The following BCAS3 variants were observed in gnomAD, a reference collection of about 807,000 sequenced individuals.
BCAS3 encodes BCAS3 microtubule associated cell migration factor.
A neutral mutation model predicts 116.1 loss-of-function variants in BCAS3; 53 were observed. The observed-to-expected ratio is 0.46, with a 90% CI of 0.37 to 0.57. The LOEUF is 0.57. Among genes scored for constraint, BCAS3 ranks in the 20% least tolerant of loss-of-function variants. The probability of loss-of-function intolerance (pLI) is 0.00; values close to 1 mark genes in which losing one functional copy is unlikely to be tolerated. For missense variants in BCAS3, 917 were observed against 1,165.4 expected, an observed-to-expected ratio of 0.79 and a Z score of 3.10; for synonymous variants, 391 against 408.2, an observed-to-expected ratio of 0.96 and a Z score of 0.51.
intron 18 of BCAS3, among the ~76,000 whole-genome samples, chr17:61,038,334 G>GT (rs1466818218): frequency 1.4e-5 from 2 of 148,028 alleles, no homozygotes; most frequent in Non-Finnish European, 3.0e-5. Context: ...CTGGAGTGCA[G>GT]TGGCGCGATC....
intron 22 of BCAS3, among the ~76,000 whole-genome samples, chr17:61,271,545 T>C (rs2050269846): frequency 6.7e-6 from 1 of 150,256 alleles, no homozygotes; most frequent in East Asian, 2.0e-4. Flanking sequence ...TGCCTCAGCC[T>C]CCTGGGTAGC....
At position 61,214,668 on chromosome 17, in the gene BCAS3, G is replaced by A. The variant is rs2081673250; in HGVS notation, c.2425+130104G>A. Among the ~76,000 whole-genome samples, 1 of 151,932 alleles carries A rather than the reference G, an allele frequency of 6.6e-6. No individual in the cohort carries two copies. The highest frequency in any genetic ancestry group is 2.1e-4 in the South Asian group (1 of 4,812). On this transcript the variant is annotated intron_variant, in intron 22 of 23. Transcript: ENST00000407086. This position sits in a 1 kb window ranked among gnomAD's most constrained non-coding sequence, Gnocchi z 4.4. ...ATCGCGCCACTGCACTCCAGCCTGG[G>A]CGACAGAGCAAGACTCCATCTCAAA...
chr17:60,921,898 G>T (rs1387339188), intron 12 of BCAS3, among the ~76,000 whole-genome samples: 1 of 151,742 alleles, frequency 6.6e-6, no homozygotes, highest in East Asian at 1.9e-4. Flanking sequence ...AAGTATTACT[G>T]GAGTAAAAGA....
chr17:61,064,963 TATTAG>T (rs1261898254), intron 19 of BCAS3, among the ~76,000 whole-genome samples: 10 of 152,216 alleles, frequency 6.6e-5, no homozygotes, highest in African/African-American at 2.2e-4. Context: ...CTGCTCTGTG[TATTAG>T]ATTTAGTGAA....
intron 19 of BCAS3, among the ~76,000 whole-genome samples, chr17:61,058,958 T>A (rs1243036564): frequency 1.3e-5 from 2 of 151,710 alleles, no homozygotes; most frequent in Non-Finnish European, 2.9e-5. Flanking sequence ...AGGTGAAGAA[T>A]GTGATCTTTA....
intron 6 of BCAS3, among the ~76,000 whole-genome samples, chr17:60,772,874 GA>G (rs939845540): frequency 9.3e-5 from 14 of 150,148 alleles, no homozygotes; most frequent in South Asian, 4.2e-4. Context: ...CTCAGTCTCA[GA>G]AAAAAAAAGG....
At chr17:61,275,488 G>C (rs150059893) in intron 22 of BCAS3, among the ~76,000 whole-genome samples, 1 of 151,972 alleles carries the variant, frequency 6.6e-6, no homozygotes, top group African/African-American at 2.4e-5. Context: ...GCGGCAGAGA[G>C]AAAGGGCAAA....
intron 12 of BCAS3, among the ~76,000 whole-genome samples, chr17:60,918,317 A>C (rs1037871529): frequency 6.6e-6 from 1 of 152,208 alleles, no homozygotes; most frequent in African/African-American, 2.4e-5. Flanking sequence ...AAATTGATAC[A>C]TAATATTTGT....
At chr17:60,823,774 A>G (rs1049857595) in intron 7 of BCAS3, among the ~76,000 whole-genome samples, 2 of 152,220 alleles carry the variant, frequency 1.3e-5, no homozygotes, top group African/African-American at 4.8e-5. Context: ...CCAATGGTGC[A>G]TTAATATTGT....
intron 22 of BCAS3, among the ~76,000 whole-genome samples, chr17:61,170,040 A>C (rs1196786093): frequency 1.3e-5 from 2 of 151,824 alleles, no homozygotes; most frequent in Non-Finnish European, 2.9e-5. Flanking sequence ...TTTTGAGTAG[A>C]GACGGGGTTT....
At chr17:61,192,888 G>A (rs2080232611) in intron 22 of BCAS3, among the ~76,000 whole-genome samples, 1 of 152,194 alleles carries the variant, frequency 6.6e-6, no homozygotes, top group South Asian at 2.1e-4. Flanking sequence ...GAATGATGTG[G>A]AGTTGTTCGC....
At chr17:60,969,363 AAG>A (rs1013710133) in intron 14 of BCAS3, among the ~76,000 whole-genome samples, 8 of 152,194 alleles carry the variant, frequency 5.3e-5, no homozygotes, top group African/African-American at 1.9e-4. Context: ...TCAGCAGAGA[AAG>A]AGAAAATATA....
In BCAS3 at chr17:61,261,955, T is replaced by C. The variant is rs2049242204; in HGVS notation, c.2426-106372T>C. On this transcript the variant is annotated intron_variant, in intron 22 of 23. Coordinates refer to ENST00000407086, the MANE Select transcript of BCAS3 (RefSeq NM_017679.5). The surrounding 1 kb of genome is among the most constrained non-coding windows in gnomAD (Gnocchi z 4.4). ...CTAGTGAAGAGAAAGCTAAGAGAGA[T>C]GAGACAAGGATGTCCACGAATACCG... 6.6e-6 allele frequency among the ~76,000 whole-genome samples: 1 copy of C among 152,196 alleles called. No individual in the cohort carries two copies. Among genetic ancestry groups the C allele is most frequent in the Non-Finnish European group, 1.5e-5 (1 of 68,030 alleles).
chr17:61,072,780 C>G (rs1457197660), intron 19 of BCAS3, among the ~76,000 whole-genome samples: 1 of 152,042 alleles, frequency 6.6e-6, no homozygotes, highest in African/African-American at 2.4e-5. Flanking sequence ...ATGGCTTATC[C>G]CACCCAACCA....
At chr17:60,987,057 C>T (rs921881978) in intron 14 of BCAS3, 3 of 152,012 alleles carry the variant, frequency 2.0e-5, no homozygotes, top group African/African-American at 7.2e-5. Context: ...TATGTATATC[C>T]AGTTTTCCCA....
rs961853251 is a variant in BCAS3, at chr17:61,205,199, C to T, written c.2425+120635C>T. ...AAAAAAGGCATTATTTATTTTCCTCCTTTTCTGTCTTCTAGAGCCAGAACA... is the reference window on the plus strand; with the variant it reads ...AAAAAAGGCATTATTTATTTTCCTCTTTTTCTGTCTTCTAGAGCCAGAACA... On this transcript the variant is annotated intron_variant, in intron 22 of 23. Transcript: ENST00000407086. This position sits in a 1 kb window ranked among gnomAD's most constrained non-coding sequence, Gnocchi z 5.2. Among the ~76,000 whole-genome samples the T allele has an allele frequency of 2.6e-5, 4 of 152,138 alleles. No individual in the cohort carries two copies. Among genetic ancestry groups the T allele is most frequent in the Non-Finnish European group, 4.4e-5 (3 of 68,010 alleles).
intron 7 of BCAS3, chr17:60,810,991 GA>G (rs2048758539): frequency 1.5e-6 from 1 of 666,238 alleles, no homozygotes; most frequent in African/African-American, 1.8e-5. Context: ...TCAGCAGATT[GA>G]AGAGAGCACC....
At chr17:61,253,318 C>T (rs551699097) in intron 22 of BCAS3, among the ~76,000 whole-genome samples, 118 of 151,020 alleles carry the variant, frequency 7.8e-4, no homozygotes, top group Non-Finnish European at 1.2e-3. Flanking sequence ...TTTGGGAGGC[C>T]GAGGCAGGCG....
At chr17:60,780,117 A>C (rs1338355854) in intron 6 of BCAS3, among the ~76,000 whole-genome samples, 2 of 150,452 alleles carry the variant, frequency 1.3e-5, no homozygotes, top group African/African-American at 2.5e-5. Context: ...GGCTCCCCCG[A>C]GTAGCTGGGA....
Sources: allele counts gnomAD v4.1 joint callset (sites outside exome capture counted in the v4.1 genomes callset), GRCh38; gene constraint gnomAD v4.1.1; non-coding constraint Gnocchi (gnomAD v3.1); transcripts MANE v1.5; gene names NCBI Gene and HGNC (gene_info 2026-07-23, HGNC 2026-07-21).